CD58: variants seen among roughly 807,000 people sequenced by gnomAD.
CD58 encodes lymphocyte function-associated antigen 3.
Under a neutral mutation model 27.6 loss-of-function variants are expected in CD58, and 14 were observed. The observed-to-expected ratio is 0.51, with a 90% CI of 0.34 to 0.79. The LOEUF (loss-of-function observed/expected upper bound fraction) is 0.79. CD58 is among the 30% of genes least tolerant of loss of function. CD58 has a pLI of 0.02. For synonymous variants in CD58, 117 were observed against 103.8 expected (o/e 1.13, Z -0.77); for missense variants, 268 against 301.7 (o/e 0.89, Z 0.83).
chr1:116,546,111 G>A lies in CD58; in HGVS notation c.71-1507C>T, dbSNP rs1352436470. 6.6e-6 allele frequency among the ~76,000 whole-genome samples: 1 copy of A among 152,224 alleles called. No individual in the cohort carries two copies. Among genetic ancestry groups the A allele is most frequent in the Non-Finnish European group, 1.5e-5 (1 of 68,032 alleles). ...TACTTGAAGCCATGAGGCAGAGATT[G>A]CAGTCAGCCATGATTGTGCCACTGC... On this transcript the variant is annotated intron_variant, in intron 1 of 5. Coordinates refer to ENST00000369489, the MANE Select transcript of CD58 (RefSeq NM_001779.3). The surrounding 1 kb of genome is among the most constrained non-coding windows in gnomAD (Gnocchi z 4.1).
In CD58 at chr1:116,570,964, A is replaced by G; in HGVS notation, c.9T>C (p.Ala3=). 1 of 1,560,576 alleles carries G rather than the reference A, an allele frequency of 6.4e-7. No homozygotes were observed. The highest frequency in any genetic ancestry group is 8.6e-7 in the Non-Finnish European group (1 of 1,160,034). Residue 3 remains alanine, a synonymous_variant, in exon 1 of 6, where the codon GCT becomes GCC. Coordinates refer to ENST00000369489, the MANE Select transcript of CD58 (RefSeq NM_001779.3). The surrounding 1 kb of genome is among the most constrained non-coding windows in gnomAD (Gnocchi z 6.4). ...CCAGGGCCCGCCCCGCGTCGCTCCCAGCAACCATGGCTCGTCGGGCCGGCC... is the reference window on the plus strand; with the variant it reads ...CCAGGGCCCGCCCCGCGTCGCTCCCGGCAACCATGGCTCGTCGGGCCGGCC... MV[A]GSDAGRALGV...
intron 3 of CD58, among the ~76,000 whole-genome samples, chr1:116,526,938 CTAAGGTAA>C (rs1557833616): frequency 6.6e-6 from 1 of 151,948 alleles, no homozygotes; most frequent in Non-Finnish European, 1.5e-5. Flanking sequence ...TTTTGGGGTG[CTAAGGTAA>C]ATGGTGTTGT....
chr1:116,560,862 T>C (rs527403280), intron 1 of CD58, among the ~76,000 whole-genome samples: 1 of 152,178 alleles, frequency 6.6e-6, no homozygotes, highest in African/African-American at 2.4e-5. Flanking sequence ...CCTGAACTTA[T>C]CTGAGAAAAG....
At position 116,563,226 on chromosome 1, in the gene CD58, C is replaced by T. The variant is rs149077960; in HGVS notation, c.70+7677G>A. 5.6e-4 allele frequency among the ~76,000 whole-genome samples: 86 copies of T among 152,268 alleles called. No homozygotes were observed. The highest frequency in any genetic ancestry group is 1.7e-3 in the African/African-American group (70 of 41,574). ...GACTCCATGCCTCACATCCAGGTGA[C>T]GCAAGAGATGGGCTCCCACAACCTT... On this transcript the variant is annotated intron_variant, in intron 1 of 5. Transcript: ENST00000369489. The surrounding 1 kb of genome is among the most constrained non-coding windows in gnomAD (Gnocchi z 4.1).
At position 116,522,050 on chromosome 1, in the gene CD58, A is replaced by G; in HGVS notation, c.629-67T>C. On this transcript the variant is annotated intron_variant, in intron 3 of 5. Transcript: ENST00000369489. The surrounding 1 kb of genome is among the most constrained non-coding windows in gnomAD (Gnocchi z 4.6). ...ATCAAAATGGATCCTCATTATTTGC[A>G]GATTCCACCTTGCGGTTTGCTTATT... 2 of 825,840 alleles carry G rather than the reference A, an allele frequency of 2.4e-6. No homozygotes were observed. The highest frequency in any genetic ancestry group is 5.2e-5 in the East Asian group (2 of 38,242). 51.2% of individuals were successfully genotyped at this position (825,840 alleles called of 1,614,324 possible).
intron 1 of CD58, among the ~76,000 whole-genome samples, chr1:116,555,561 T>C (rs1289433556): frequency 1.3e-5 from 2 of 152,200 alleles, no homozygotes; most frequent in East Asian, 3.8e-4. Context: ...TGAAGAATTT[T>C]GAATTTTTTT....
intron 2 of CD58, among the ~76,000 whole-genome samples, chr1:116,540,316 C>T (rs1168950635): frequency 1.3e-5 from 2 of 149,808 alleles, no homozygotes; most frequent in East Asian, 3.9e-4. Context: ...CAAGTGTTAA[C>T]ATTACCTCAA....
chr1:116,562,875 G>T (rs1658803134), intron 1 of CD58, among the ~76,000 whole-genome samples: 1 of 152,000 alleles, frequency 6.6e-6, no homozygotes, highest in Non-Finnish European at 1.5e-5. Flanking sequence ...TTCCACCCCG[G>T]CCCCTCCCAA....
chr1:116,547,672 C>T (rs903066016), intron 1 of CD58, among the ~76,000 whole-genome samples: 1 of 152,082 alleles, frequency 6.6e-6, no homozygotes, highest in Non-Finnish European at 1.5e-5. Flanking sequence ...ATATATATCT[C>T]CCACATTTTC....
intron 4 of CD58, among the ~76,000 whole-genome samples, chr1:116,520,126 T>TTTTG (rs973188878): frequency 6.6e-6 from 1 of 152,206 alleles, no homozygotes; most frequent in African/African-American, 2.4e-5. Flanking sequence ...TGCTGAGTTT[T>TTTTG]TTTGTTTGTT....
intron 1 of CD58, among the ~76,000 whole-genome samples, chr1:116,555,131 G>A (rs1658521205): frequency 6.6e-6 from 1 of 152,110 alleles, no homozygotes; most frequent in Non-Finnish European, 1.5e-5. Flanking sequence ...TCAGAAAAGG[G>A]ACTGTAGGGA....
Position 116,536,539 on chromosome 1 carries a change from C to T in CD58, c.365-311G>A, listed in dbSNP as rs983034748. On this transcript the variant is annotated intron_variant, in intron 2 of 5. Coordinates refer to ENST00000369489, the MANE Select transcript of CD58 (RefSeq NM_001779.3). The surrounding 1 kb of genome is among the most constrained non-coding windows in gnomAD (Gnocchi z 5.4). ...ATTGTACCATGGGGGATGGTTTCCC[C>T]ATGCTATTCTAGTGATAGAGAGTGA... is the stretch of plus-strand genomic sequence containing the variant. Among the ~76,000 whole-genome samples, 3 of 152,088 alleles carry T rather than the reference C, an allele frequency of 2.0e-5. No homozygotes were observed. The highest frequency in any genetic ancestry group is 2.9e-5 in the Non-Finnish European group (2 of 68,008).
At position 116,521,979 on chromosome 1, in the gene CD58, A is replaced by G. The variant is rs745560695; in HGVS notation, c.633T>C (p.His211=). 1.3e-6 allele frequency: 2 copies of G among 1,544,424 alleles called. No homozygotes were observed. Among genetic ancestry groups the G allele is most frequent in the Middle Eastern group, 1.7e-4 (1 of 5,914 alleles). The part of the protein sequence containing the change: ...ILTTCIPSSG[H]SRHRYALIPI... ...GTATAAGTGCATATCTGTGTCTTGA[A>G]TGACCTATAAAAAAGAAAAGAAAAG... The change falls in exon 4 of 6, where the codon CAT becomes CAC. Residue 211 remains histidine (H), a synonymous_variant. Transcript: ENST00000369489. The surrounding 1 kb of genome is among the most constrained non-coding windows in gnomAD (Gnocchi z 5.6).
At chr1:116,530,001 T>C (rs1227698983) in intron 3 of CD58, among the ~76,000 whole-genome samples, 2 of 152,188 alleles carry the variant, frequency 1.3e-5, no homozygotes, top group Admixed American at 6.5e-5. Flanking sequence ...CTACTATGTA[T>C]ATCTATATAG....
chr1:116,518,740 T>C, intron 5 of CD58: 1 of 992,666 alleles, frequency 1.0e-6, no homozygotes, highest in Non-Finnish European at 1.2e-6. Flanking sequence ...TAATTGTGTT[T>C]GTGTCCTATC....
rs572999761 is a variant in CD58 at position 116,515,317 on chromosome 1, A to C, written c.744-495T>G. 6.6e-6 allele frequency among the ~76,000 whole-genome samples: 1 copy of C among 152,306 alleles called. No individual in the cohort carries two copies. Among genetic ancestry groups the C allele is most frequent in the South Asian group, 2.1e-4 (1 of 4,828 alleles). ...AACCGCATCCTTGAGCAAGCCCTCA[A>C]ACCGAGTCCATTTCCCGGCCTCCTC... is the stretch of plus-strand genomic sequence containing the variant. On this transcript the variant is annotated intron_variant, in intron 5 of 5. Coordinates refer to ENST00000369489, the MANE Select transcript of CD58 (RefSeq NM_001779.3). The surrounding 1 kb of genome is among the most constrained non-coding windows in gnomAD (Gnocchi z 4.6).
chr1:116,519,852 T>C lies in CD58; in HGVS notation c.707-585A>G, dbSNP rs10924108. Among the ~76,000 whole-genome samples the C allele has an allele frequency of 0.15, 23,496 of 152,224 alleles. 2,585 individuals are homozygous for C. Among genetic ancestry groups the C allele is most frequent in the East Asian group, 0.57 (2,962 of 5,164 alleles). ...ATAGCCACATGTAGCTCATGGCTAC[T>C]ATTTCAGACATTAAGACACTGCTCC... On this transcript the variant is annotated intron_variant, in intron 4 of 5. Coordinates refer to ENST00000369489, the MANE Select transcript of CD58 (RefSeq NM_001779.3). The surrounding 1 kb of genome is among the most constrained non-coding windows in gnomAD (Gnocchi z 4.7).
rs1657211205 is a variant in CD58 at position 116,519,756 on chromosome 1, AC to A, written c.707-490del. Among the ~76,000 whole-genome samples the A allele has an allele frequency of 2.0e-5, 3 of 152,206 alleles. No individual in the cohort carries two copies. Among genetic ancestry groups the A allele is most frequent in the Admixed American group, 2.0e-4 (3 of 15,286 alleles). ...TGAGATATTTTATATTCTTTCACACACGGTCTTAGAAACATATTATTTTACA... is the reference window on the plus strand; with the variant it reads ...TGAGATATTTTATATTCTTTCACACAGGTCTTAGAAACATATTATTTTACA... On this transcript the variant is annotated intron_variant, in intron 4 of 5. Transcript: ENST00000369489. This position sits in a 1 kb window ranked among gnomAD's most constrained non-coding sequence, Gnocchi z 4.7.
intron 2 of CD58, among the ~76,000 whole-genome samples, chr1:116,543,355 C>T (rs543087533): frequency 6.6e-6 from 1 of 151,672 alleles, no homozygotes; most frequent in Non-Finnish European, 1.5e-5. Flanking sequence ...TCGGTTACAT[C>T]CATGGGTAGT....
Sources: gnomAD v4.1 joint callset for allele counts (sites outside exome capture counted in the v4.1 genomes callset) on GRCh38, gnomAD v4.1.1 for gene constraint, Gnocchi (gnomAD v3.1) non-coding constraint, MANE v1.5 for transcripts, NCBI Gene and HGNC (gene_info 2026-07-23, HGNC 2026-07-21) for gene names.